The following RANBP17 variants were observed in gnomAD, a reference collection of about 807,000 sequenced individuals.
RANBP17 encodes RAN binding protein 17, also known as ran-binding protein 17.
In RANBP17, 158 loss-of-function variants were observed where a neutral mutation model predicts 141.2. That is an observed-to-expected ratio of 1.12 (90% CI 0.98 to 1.28). The LOEUF (loss-of-function observed/expected upper bound fraction) is 1.28. Ranked by LOEUF, RANBP17 falls within the 50% of genes most tolerant of loss-of-function variation. RANBP17 has a pLI of 0.00. For missense variants in RANBP17, 1,438 were observed against 1,290.7 expected, an observed-to-expected ratio of 1.11 and a Z score of -1.75; for synonymous variants, 430 against 450.0, an observed-to-expected ratio of 0.96 and a Z score of 0.56.
intron 22 of RANBP17, among the ~76,000 whole-genome samples, chr5:171,236,988 G>T (rs945923848): frequency 6.6e-6 from 1 of 152,072 alleles, no homozygotes; most frequent in Non-Finnish European, 1.5e-5. Context: ...TTCTTCTTTG[G>T]GTAATGGGAG....
intron 14 of RANBP17, among the ~76,000 whole-genome samples, chr5:170,999,018 A>G (rs1169758195): frequency 6.6e-6 from 1 of 152,088 alleles, no homozygotes; most frequent in Non-Finnish European, 1.5e-5. Flanking sequence ...CAGTTAAAAA[A>G]ATTTGAGGCT....
rs187500521 is a variant in RANBP17, at chr5:170,964,666, C to G, written c.1575-3576C>G. On this transcript the variant is annotated intron_variant, in intron 13 of 27. Transcript: ENST00000523189. ...TGCAGTGTTTGGTTTTTTGTCCTTGCGATAGTTTACTGAGAATGATGATTT... is the reference window on the plus strand; with the variant it reads ...TGCAGTGTTTGGTTTTTTGTCCTTGGGATAGTTTACTGAGAATGATGATTT... Among the ~76,000 whole-genome samples the G allele has an allele frequency of 6.5e-3, 987 of 151,854 alleles. 11 individuals carry two copies. The highest frequency in any genetic ancestry group is 0.023 in the African/African-American group (936 of 41,424).
At chr5:171,119,243 G>A (rs1261081090) in intron 14 of RANBP17, among the ~76,000 whole-genome samples, 3 of 152,124 alleles carry the variant, frequency 2.0e-5, no homozygotes. Context: ...TGATTATGGT[G>A]TATTATCTTT....
intron 18 of RANBP17, among the ~76,000 whole-genome samples, chr5:171,183,771 T>C (rs1409152282): frequency 6.6e-6 from 1 of 152,186 alleles, no homozygotes; most frequent in Non-Finnish European, 1.5e-5. Flanking sequence ...ATTTTCGTCA[T>C]AGTGATGTCT....
chr5:171,208,585 C>T (rs1382759985), intron 20 of RANBP17, among the ~76,000 whole-genome samples: 2 of 152,064 alleles, frequency 1.3e-5, no homozygotes, highest in African/African-American at 4.8e-5. Flanking sequence ...CTGTTAAAAT[C>T]TGATCATTGA....
chr5:171,238,439 G>A (rs913564121), intron 22 of RANBP17, among the ~76,000 whole-genome samples: 4 of 152,018 alleles, frequency 2.6e-5, no homozygotes, highest in African/African-American at 4.8e-5. Flanking sequence ...TTCCCAATCA[G>A]GCAGTTCTTG....
At chr5:170,905,200 C>G (rs1407299040) in intron 5 of RANBP17, among the ~76,000 whole-genome samples, 1 of 152,110 alleles carries the variant, frequency 6.6e-6, no homozygotes, top group Non-Finnish European at 1.5e-5. Context: ...TGATCTGAAC[C>G]TATTATCACC....
At chr5:171,181,906 G>C (rs568045774) in intron 16 of RANBP17, among the ~76,000 whole-genome samples, 1 of 152,346 alleles carries the variant, frequency 6.6e-6, no homozygotes, top group Non-Finnish European at 1.5e-5. Context: ...AAGGTAGCTT[G>C]GGCATAGGTT....
At chr5:171,211,102 C>A (rs145918450) in intron 20 of RANBP17, among the ~76,000 whole-genome samples, 1 of 150,802 alleles carries the variant, frequency 6.6e-6, no homozygotes, top group East Asian at 2.0e-4. Flanking sequence ...AAAATAACAG[C>A]TTTTCTGGTC....
intron 12 of RANBP17, among the ~76,000 whole-genome samples, chr5:170,946,397 G>A (rs1774764979): frequency 6.6e-6 from 1 of 152,096 alleles, no homozygotes; most frequent in Non-Finnish European, 1.5e-5. Context: ...AGTCATGCTT[G>A]CAATGTTTTA....
At chr5:170,991,911 A>G (rs1295747537) in intron 14 of RANBP17, among the ~76,000 whole-genome samples, 3 of 152,048 alleles carry the variant, frequency 2.0e-5, no homozygotes, top group Non-Finnish European at 2.9e-5. Flanking sequence ...ATGTAATTCT[A>G]AATTTGTGTT....
intron 14 of RANBP17, among the ~76,000 whole-genome samples, chr5:171,094,594 T>A (rs957729169): frequency 6.6e-6 from 1 of 152,192 alleles, no homozygotes; most frequent in African/African-American, 2.4e-5. Context: ...TCTCTATGCA[T>A]CTGAAAGTAG....
At chr5:171,183,059 AT>A (rs200353975) in intron 16 of RANBP17, 107 bp from the exon 17 acceptor site, 10,221 of 622,300 alleles carry the variant, frequency 0.016, 125 homozygotes, top group Middle Eastern at 0.037. Context: ...TAGAAATTAT[AT>A]TTTTTTATAA....
intron 14 of RANBP17, among the ~76,000 whole-genome samples, chr5:171,005,734 A>T (rs965908383): frequency 6.6e-6 from 1 of 152,256 alleles, no homozygotes; most frequent in African/African-American, 2.4e-5. Context: ...AAAAGCCAGA[A>T]TTGACAAATG....
At chr5:170,902,284 T>G (rs916170938) in intron 5 of RANBP17, among the ~76,000 whole-genome samples, 1 of 152,196 alleles carries the variant, frequency 6.6e-6, no homozygotes, top group Non-Finnish European at 1.5e-5. Context: ...TATTAATCTC[T>G]GATATCCTTT....
At chr5:171,256,914 TA>T (rs534573800) in intron 24 of RANBP17, among the ~76,000 whole-genome samples, 92 of 145,826 alleles carry the variant, frequency 6.3e-4, no homozygotes, top group Admixed American at 7.5e-4. Context: ...ATCAGTAATT[TA>T]AAAAAAAAAA....
chr5:171,112,223 T>A (rs181040967), intron 14 of RANBP17, among the ~76,000 whole-genome samples: 19 of 152,244 alleles, frequency 1.2e-4, no homozygotes, highest in Middle Eastern at 6.8e-3. Flanking sequence ...GTCCTCAATA[T>A]AACTTTGCTT....
rs1238735045 is a variant in RANBP17 at position 171,296,126 on chromosome 5, AC to A, written c.3170+114del. 1.0e-5 allele frequency: 11 copies of A among 1,083,776 alleles called. No homozygotes were observed. In the Admixed American group the frequency reaches 1.4e-4, roughly 14 times the overall value. The allele number at this position is 1,083,776 out of a possible 1,614,324, so 67.1% of individuals were successfully genotyped here. A position where few individuals can be genotyped will look rare whatever the true frequency, so the allele number is the denominator to read the frequency against. On this transcript the variant is annotated intron_variant, in intron 27 of 27. Coordinates refer to ENST00000523189, the MANE Select transcript of RANBP17 (RefSeq NM_022897.5). ...CACATGGATGTCCCTTTTCTGTTAC[AC>A]CTTGTGATCCTAGACTCAGTTCCAT...
intron 12 of RANBP17, among the ~76,000 whole-genome samples, chr5:170,953,190 C>T (rs549200230): frequency 6.6e-6 from 1 of 152,216 alleles, no homozygotes; most frequent in Admixed American, 6.5e-5. Context: ...GTCCTTGGAT[C>T]ATGAGAGTAC....
Sources: gnomAD v4.1 joint callset for allele counts (sites outside exome capture counted in the v4.1 genomes callset) on GRCh38, gnomAD v4.1.1 for gene constraint, MANE v1.5 for transcripts, NCBI Gene and HGNC (gene_info 2026-07-23, HGNC 2026-07-21) for gene names.